ZNF841: variants seen among roughly 807,000 people sequenced by gnomAD.
ZNF841 encodes TCONS_00006091.
In ZNF841, 11 loss-of-function variants were observed where a neutral mutation model predicts 13.0. The ratio of observed to expected loss-of-function variants is 0.85; its 90% CI spans 0.53 to 1.40. The LOEUF (loss-of-function observed/expected upper bound fraction) is 1.40. Among genes scored for constraint, ZNF841 ranks in the 40% most tolerant of loss-of-function variants. The probability of loss-of-function intolerance (pLI) is 0.00; values close to 1 mark genes in which losing one functional copy is unlikely to be tolerated. For missense variants in ZNF841, 1,068 were observed against 1,139.5 expected, an observed-to-expected ratio of 0.94 and a Z score of 0.90; for synonymous variants, 369 against 381.6, an observed-to-expected ratio of 0.97 and a Z score of 0.38.
chr19:52,083,612 T>C (rs748473104), intron 4 of ZNF841, among the ~76,000 whole-genome samples: 22 of 152,120 alleles, frequency 1.4e-4, no homozygotes, highest in Admixed American at 1.1e-3. Context: ...TAGGAGCTAT[T>C]TCATGTTCTG....
chr19:52,059,370 A>AAAAAATATATAT, the ZNF841 span, among the ~76,000 whole-genome samples: 37 of 69,628 alleles, frequency 5.3e-4, 1 homozygote, highest in African/African-American at 2.9e-3. Context: ...AAAAAAAAAA[A>AAAAAATATATAT]ATATATATAT....
chr19:52,076,657 A>AC (rs2087911038), intron 5 of ZNF841, among the ~76,000 whole-genome samples: 1 of 151,866 alleles, frequency 6.6e-6, no homozygotes, highest in Non-Finnish European at 1.5e-5. Context: ...TGTCAAAAAA[A>AC]AAAAAAAAAA....
chr19:52,075,174 C>A (rs2087860093), intron 6 of ZNF841, among the ~76,000 whole-genome samples: 1 of 152,128 alleles, frequency 6.6e-6, no homozygotes, highest in Non-Finnish European at 1.5e-5. Context: ...CCTAGAAATG[C>A]ATTTATCCAA....
intron 6 of ZNF841, among the ~76,000 whole-genome samples, chr19:52,068,283 G>C (rs1444933839): frequency 6.6e-6 from 1 of 152,106 alleles, no homozygotes; most frequent in Non-Finnish European, 1.5e-5. Context: ...CACCGTGAAT[G>C]CATCTGATCT....
intron 4 of ZNF841, among the ~76,000 whole-genome samples, chr19:52,082,421 T>C (rs536008601): frequency 3.3e-5 from 5 of 152,274 alleles, no homozygotes; most frequent in East Asian, 1.9e-4. Context: ...CAAAAAGATA[T>C]ACACAAAAAT....
intron 2 of ZNF841, among the ~76,000 whole-genome samples, chr19:52,090,260 CTG>C (rs752119710): frequency 3.4e-4 from 52 of 152,096 alleles, no homozygotes; most frequent in Non-Finnish European, 1.2e-4. Context: ...TCTTAAGACA[CTG>C]ATAAAAGATA....
chr19:52,082,897 G>A (rs144265867), intron 4 of ZNF841, among the ~76,000 whole-genome samples: 6,065 of 152,016 alleles, frequency 0.04, 162 homozygotes, highest in African/African-American at 0.066. Context: ...TGGTTAACAC[G>A]GTGAAACCCC....
In ZNF841 at chr19:52,067,084, A is replaced by G. The variant is rs1339203257; in HGVS notation, c.798T>C (p.Cys266=). 6.2e-7 allele frequency: 1 copy of G among 1,603,436 alleles called. No homozygotes were observed. The highest frequency in any genetic ancestry group is 8.5e-7 in the Non-Finnish European group (1 of 1,173,972). The stretch of plus-strand genomic sequence containing the variant: ...TTGAAGACACTCTGAAGGCTTTGCC[A>G]CACTCATTACCTATGTAAGGTTTTT... The part of the protein sequence containing the change: ...IREKPYIGNE[C]GKAFRVSSSL... The change falls in exon 7 of 7, where the codon TGT becomes TGC. Residue 266 remains cysteine (C), a synonymous_variant. Coordinates refer to ENST00000594440, the MANE Select transcript of ZNF841 (RefSeq NM_001136499.2).
At chr19:52,076,514 G>C (rs1379368775) in intron 5 of ZNF841, 2 of 297,720 alleles carry the variant, frequency 6.7e-6, no homozygotes, top group Non-Finnish European at 1.3e-5. Flanking sequence ...GCATGGTGTT[G>C]CACACCCACA....
intron 4 of ZNF841, among the ~76,000 whole-genome samples, chr19:52,081,012 A>T (rs759383601): frequency 6.6e-6 from 1 of 152,250 alleles, no homozygotes; most frequent in Non-Finnish European, 1.5e-5. Flanking sequence ...TACACTAAAG[A>T]AATGGTGATT....
chr19:52,087,280 T>C (rs923376209), intron 3 of ZNF841, among the ~76,000 whole-genome samples: 1 of 152,150 alleles, frequency 6.6e-6, no homozygotes, highest in African/African-American at 2.4e-5. Context: ...AAATGGGTCA[T>C]GGGGATGTGT....
chr19:52,066,623 T>C lies in ZNF841; in HGVS notation c.1259A>G (p.His420Arg). The change falls in exon 7 of 7, where the codon CAT (histidine) becomes CGT (arginine). Residue 420 changes from histidine (H) to arginine (R), a missense_variant. Physicochemically the swap from His to Arg is conservative, Grantham distance 29 (BLOSUM62 0). Transcript: ENST00000594440. ...FKRNSSLTAH[H>R]IIHAGKKPYT... ...TGGTTTCTTTCCTGCATGGATTATA[T>C]GATGTGCAGTGAGGCTTGAGTTCCG... 1 of 1,613,652 alleles carries C rather than the reference T, an allele frequency of 6.2e-7. No homozygotes were observed. Among genetic ancestry groups the C allele is most frequent in the Non-Finnish European group, 8.5e-7 (1 of 1,179,766 alleles).
intron 6 of ZNF841, 88 bp downstream of exon 6, chr19:52,075,956 T>G: frequency 6.8e-7 from 1 of 1,465,890 alleles, no homozygotes; most frequent in Non-Finnish European, 9.1e-7. Context: ...AAAATCAAAT[T>G]TGTTTCCCCA....
rs867001785 is a variant in ZNF841, at chr19:52,067,294, C to T, written c.588G>A (p.Gln196=). The change falls in exon 7 of 7, where the codon CAG becomes CAA. Residue 196 remains glutamine (Q), a synonymous_variant. Transcript: ENST00000594440. ...AAATTTTCTCTGCAGTTTGAAATTTCTGCAATTCACCCAGACCGGACTGAA... is the reference window on the plus strand; with the variant it reads ...AAATTTTCTCTGCAGTTTGAAATTTTTGCAATTCACCCAGACCGGACTGAA... ...LRFQSGLGEL[Q]KFQTAEKIYG... is the part of the protein sequence containing the mutation. The T allele has an allele frequency of 3.2e-6, 5 of 1,551,780 alleles. No homozygotes were observed. The Middle Eastern group carries it at 8.3e-4, about 259-fold the overall frequency.
intron 3 of ZNF841, among the ~76,000 whole-genome samples, chr19:52,086,962 T>C (rs551391887): frequency 1.3e-5 from 2 of 152,336 alleles, no homozygotes; most frequent in African/African-American, 4.8e-5. Flanking sequence ...TATTGTATTA[T>C]GGTCTTAAAT....
chr19:52,094,450 T>G (rs2088606161), intron 1 of ZNF841, among the ~76,000 whole-genome samples: 1 of 152,050 alleles, frequency 6.6e-6, no homozygotes, highest in Non-Finnish European at 1.5e-5. Context: ...TTATTCCCTC[T>G]TTTATGTCTG....
rs1291168024 is a variant in ZNF841, at chr19:52,066,055, A to C, written c.1827T>G (p.Ser609Arg). Reference sequence around the variant, plus strand: ...TTCGCCTATGAATTGAAAGGTTTCCACTGTCAATGAAGACCTTGCCACACA... The same window carrying C: ...TTCGCCTATGAATTGAAAGGTTTCCCCTGTCAATGAAGACCTTGCCACACA... ...CNVCGKVFID[S>R]GNLSIHRRSH... The change falls in exon 7 of 7, where the codon AGT becomes AGG. Residue 609 changes from serine (S) to arginine (R), a missense_variant. By Grantham distance (110) the Ser-to-Arg change is moderately radical. Transcript: ENST00000594440. The C allele has an allele frequency of 6.2e-7, 1 of 1,613,744 alleles. No homozygotes were observed. Among genetic ancestry groups the C allele is most frequent in the Non-Finnish European group, 8.5e-7 (1 of 1,179,898 alleles).
Position 52,067,323 on chromosome 19 carries a change from T to G in ZNF841, c.559A>C (p.Arg187=), listed in dbSNP as rs771584017. The G allele has an allele frequency of 4.5e-6, 7 of 1,551,266 alleles. No homozygotes were observed. In the African/African-American group the frequency reaches 9.6e-5, roughly 21 times the overall value. The part of the protein sequence containing the change: ...NKHMENQLIL[R]FQSGLGELQK... Reference sequence around the variant, plus strand: ...AATTCACCCAGACCGGACTGAAACCTTAATATAAGCTGATTTTCCATATGC... The same window carrying G: ...AATTCACCCAGACCGGACTGAAACCGTAATATAAGCTGATTTTCCATATGC... Residue 187 remains arginine (R), a synonymous_variant, in exon 7 of 7, where the codon AGG becomes CGG. Transcript: ENST00000594440.
At chr19:52,080,229 G>A (rs1485711164) in intron 4 of ZNF841, among the ~76,000 whole-genome samples, 4 of 152,030 alleles carry the variant, frequency 2.6e-5, no homozygotes, top group Non-Finnish European at 5.9e-5. Context: ...GAGTGATGTC[G>A]GCAAGATAAA....
Sources: gnomAD v4.1 joint callset for allele counts (sites outside exome capture counted in the v4.1 genomes callset) on GRCh38, gnomAD v4.1.1 for gene constraint, MANE v1.5 for transcripts, NCBI Gene and HGNC (gene_info 2026-07-23, HGNC 2026-07-21) for gene names.